CSMD1: variants seen among roughly 807,000 people sequenced by gnomAD.
The protein encoded by CSMD1 is CUB and sushi domain-containing protein 1.
In CSMD1, 213 loss-of-function variants were observed where a neutral mutation model predicts 417.5. The observed-to-expected ratio is 0.51, with a 90% CI of 0.46 to 0.57. The LOEUF (loss-of-function observed/expected upper bound fraction) is 0.57, where lower values mean the gene tolerates loss of function less well. Among genes scored for constraint, CSMD1 ranks in the 20% least tolerant of loss-of-function variants. The pLI, the probability that CSMD1 is intolerant of heterozygous loss-of-function variation, is 0.00. For missense variants in CSMD1, 6,923 were observed against 4,529.7 expected, an observed-to-expected ratio of 1.53 and a Z score of -15.17; for synonymous variants, 2,862 against 1,736.8, an observed-to-expected ratio of 1.65 and a Z score of -16.11.
intron 26 of CSMD1, among the ~76,000 whole-genome samples, chr8:3,272,144 C>T (rs1394222945): frequency 1.4e-5 from 2 of 146,898 alleles, no homozygotes; most frequent in Non-Finnish European, 3.0e-5. Flanking sequence ...CAGCTTTCTG[C>T]ATATGGTTAG....
intron 1 of CSMD1, among the ~76,000 whole-genome samples, chr8:4,797,249 A>T (rs974453968): frequency 6.6e-6 from 1 of 152,160 alleles, no homozygotes; most frequent in African/African-American, 2.4e-5. Context: ...ATCCTTTACT[A>T]TGCATGGTGA....
At chr8:3,186,380 A>C (rs538578569) in intron 36 of CSMD1, among the ~76,000 whole-genome samples, 1 of 152,240 alleles carries the variant, frequency 6.6e-6, no homozygotes. Flanking sequence ...TATTTGAAAT[A>C]AAAGTTCCTA....
chr8:3,899,340 G>C (rs1259681342), intron 5 of CSMD1, among the ~76,000 whole-genome samples: 2 of 152,304 alleles, frequency 1.3e-5, no homozygotes, highest in African/African-American at 4.8e-5. Flanking sequence ...GCAGGTGTGA[G>C]TTTGCTGGAC....
chr8:3,436,611 A>G (rs1814581929), intron 12 of CSMD1, among the ~76,000 whole-genome samples: 1 of 152,172 alleles, frequency 6.6e-6, no homozygotes, highest in East Asian at 1.9e-4. Context: ...ATTGATCATA[A>G]TAAACATCAC....
intron 2 of CSMD1, among the ~76,000 whole-genome samples, chr8:4,546,705 C>T (rs573430272): frequency 1.1e-3 from 170 of 152,056 alleles, no homozygotes; most frequent in African/African-American, 3.5e-3. Flanking sequence ...GAGACGTCTC[C>T]GCCTTCATAA....
chr8:4,295,940 C>G (rs1340661638), intron 3 of CSMD1, among the ~76,000 whole-genome samples: 1 of 151,434 alleles, frequency 6.6e-6, no homozygotes, highest in Non-Finnish European at 1.5e-5. Context: ...CACAGCATGT[C>G]CCAGACTCAC....
chr8:4,055,767 A>T (rs1184039382), intron 3 of CSMD1, among the ~76,000 whole-genome samples: 1 of 152,202 alleles, frequency 6.6e-6, no homozygotes, highest in Non-Finnish European at 1.5e-5. Context: ...TAGATACTGT[A>T]TAAACAAACA....
intron 8 of CSMD1, among the ~76,000 whole-genome samples, chr8:3,606,592 C>G (rs1333677894): frequency 6.6e-6 from 1 of 152,116 alleles, no homozygotes; most frequent in Non-Finnish European, 1.5e-5. Flanking sequence ...TAGGACATGA[C>G]TGTACACTCC....
intron 17 of CSMD1, among the ~76,000 whole-genome samples, chr8:3,390,855 C>T (rs550530052): frequency 2.0e-5 from 3 of 152,114 alleles, no homozygotes; most frequent in Non-Finnish European, 2.9e-5. Flanking sequence ...TTCCTGAGCA[C>T]ATTTCATATG....
chr8:3,595,218 G>C (rs1037729646), intron 8 of CSMD1, among the ~76,000 whole-genome samples: 2 of 152,288 alleles, frequency 1.3e-5, no homozygotes, highest in East Asian at 1.9e-4. Context: ...AGGAAGGCTG[G>C]GAAGACCATT....
At chr8:3,874,109 G>A (rs1360644167) in intron 5 of CSMD1, among the ~76,000 whole-genome samples, 1 of 152,100 alleles carries the variant, frequency 6.6e-6, no homozygotes, top group African/African-American at 2.4e-5. Context: ...TTCTTTCACT[G>A]CCCTCTCTCC....
chr8:4,441,090 A>G (rs1185186016), intron 2 of CSMD1, among the ~76,000 whole-genome samples: 1 of 52,186 alleles, frequency 1.9e-5, no homozygotes, highest in Non-Finnish European at 4.2e-5. Flanking sequence ...CTCGTTAATC[A>G]AAAGGTTTTT....
chr8:4,603,045 A>G (rs1302435697), intron 2 of CSMD1, among the ~76,000 whole-genome samples: 2 of 152,014 alleles, frequency 1.3e-5, no homozygotes, highest in African/African-American at 4.8e-5. Context: ...AATTCTAAAA[A>G]TGAACTAAAA....
In CSMD1 at chr8:3,404,557, G is replaced by C. The variant is rs117996363; in HGVS notation, c.2266+1470C>G. On this transcript the variant is annotated intron_variant, in intron 15 of 69. Coordinates refer to ENST00000635120, the MANE Select transcript of CSMD1 (RefSeq NM_033225.6). ...ATGTTATTCCGAGGTATTTTAGATA[G>C]GGCAGAAATTCTCAACTGTTTATGA... Among the ~76,000 whole-genome samples the C allele has an allele frequency of 5.6e-3, 856 of 152,058 alleles. 55 individuals are homozygous for C. The East Asian group carries it at 0.12, about 21-fold the overall frequency.
At chr8:3,502,831 G>A (rs999010465) in intron 10 of CSMD1, among the ~76,000 whole-genome samples, 4 of 152,124 alleles carry the variant, frequency 2.6e-5, no homozygotes, top group Non-Finnish European at 4.4e-5. Context: ...ATAGCAGCCG[G>A]AGTGAGCCCT....
chr8:4,287,933 T>A (rs1797151680), intron 3 of CSMD1, among the ~76,000 whole-genome samples: 1 of 152,058 alleles, frequency 6.6e-6, no homozygotes, highest in African/African-American at 2.4e-5. Flanking sequence ...CATGTTTAGT[T>A]GCAAAACTTT....
intron 7 of CSMD1, among the ~76,000 whole-genome samples, chr8:3,647,555 C>T (rs1382723612): frequency 1.3e-5 from 2 of 152,052 alleles, no homozygotes. Context: ...ACAAATACAG[C>T]ATAAAGAGAA....
intron 1 of CSMD1, among the ~76,000 whole-genome samples, chr8:4,976,299 G>T (rs543923697): frequency 4.6e-5 from 7 of 152,172 alleles, no homozygotes; most frequent in Non-Finnish European, 7.3e-5. Context: ...AATGTATGGA[G>T]TAGCTACCTC....
intron 12 of CSMD1, among the ~76,000 whole-genome samples, chr8:3,462,905 G>C (rs373734535): frequency 2.0e-5 from 3 of 152,156 alleles, no homozygotes; most frequent in Non-Finnish European, 2.9e-5. Flanking sequence ...CCTTTAGAGC[G>C]TGATGACATG....
Sources: allele counts gnomAD v4.1 joint callset (sites outside exome capture counted in the v4.1 genomes callset), GRCh38; gene constraint gnomAD v4.1.1; transcripts MANE v1.5; gene names NCBI Gene and HGNC (gene_info 2026-07-23, HGNC 2026-07-21).